Variants in VPS13A observed in about 807,000 individuals in gnomAD.
VPS13A encodes intermembrane lipid transfer protein VPS13A.
A neutral mutation model predicts 390.9 loss-of-function variants in VPS13A; 264 were observed. The ratio of observed to expected loss-of-function variants is 0.68; its 90% confidence interval spans 0.61 to 0.75. The LOEUF (loss-of-function observed/expected upper bound fraction) is 0.75. VPS13A is among the 30% of genes least tolerant of loss of function. The pLI, the probability that VPS13A is intolerant of heterozygous loss-of-function variation, is 0.00. For synonymous variants in VPS13A, 1,231 were observed against 1,227.1 expected (o/e 1.00, Z -0.07); for missense variants, 3,409 against 3,733.9 (o/e 0.91, Z 2.27).
intron 17 of VPS13A, among the ~76,000 whole-genome samples, chr9:77,233,762 G>A (rs927781962): frequency 1.3e-5 from 2 of 151,946 alleles, no homozygotes; most frequent in African/African-American, 2.4e-5. Flanking sequence ...GAAGATGCTT[G>A]GTGTATTATT....
At chr9:77,376,875 C>T (rs1833107505) in intron 67 of VPS13A, among the ~76,000 whole-genome samples, 1 of 152,132 alleles carries the variant, frequency 6.6e-6, no homozygotes, top group African/African-American at 2.4e-5. Flanking sequence ...CTTTCAGGCA[C>T]ACCAACTCTT....
rs149111356 is a variant in VPS13A at position 77,270,667 on chromosome 9, G to A, written c.2428-2613G>A. On this transcript the variant is annotated intron_variant, in intron 23 of 71. Coordinates refer to ENST00000360280, the MANE Select transcript of VPS13A (RefSeq NM_033305.3). ...GATTGTGCCACTACACTCCAGCCTG[G>A]GTGACAGAAGGAGAATCTGTCTCAA... Among the ~76,000 whole-genome samples the A allele has an allele frequency of 3.4e-3, 522 of 152,180 alleles. 3 individuals carry two copies. The highest frequency in any genetic ancestry group is 6.8e-3 in the Middle Eastern group (2 of 294).
chr9:77,397,661 G>T (rs981662650), intron 68 of VPS13A, among the ~76,000 whole-genome samples: 2 of 152,048 alleles, frequency 1.3e-5, no homozygotes, highest in Non-Finnish European at 2.9e-5. Flanking sequence ...CACTTTCTTT[G>T]TGTTTCCAAA....
chr9:77,224,683 T>C (rs958924162), intron 13 of VPS13A, among the ~76,000 whole-genome samples: 2 of 152,248 alleles, frequency 1.3e-5, no homozygotes, highest in African/African-American at 4.8e-5. Flanking sequence ...AGATGAAATA[T>C]ACTCCTGGTG....
intron 68 of VPS13A, among the ~76,000 whole-genome samples, chr9:77,390,713 C>T (rs868797265): frequency 7.2e-6 from 1 of 139,354 alleles, no homozygotes; most frequent in Non-Finnish European, 1.5e-5. Flanking sequence ...AGGTCTCACT[C>T]TCTCGCCCAA....
intron 1 of VPS13A, among the ~76,000 whole-genome samples, chr9:77,195,702 G>A (rs906436154): frequency 3.3e-5 from 5 of 151,796 alleles, no homozygotes; most frequent in Admixed American, 1.3e-4. Context: ...GTGCCACTGC[G>A]CTCCAGCCTG....
intron 63 of VPS13A, 26 bp from the exon 64 acceptor site, chr9:77,370,231 C>T (rs780413943): frequency 1.2e-6 from 2 of 1,611,896 alleles, no homozygotes; most frequent in Admixed American, 1.7e-5. Context: ...CTCACTCACT[C>T]ATTTATTTAC....
At chr9:77,389,500 G>T (rs574329622) in intron 68 of VPS13A, among the ~76,000 whole-genome samples, 2 of 151,942 alleles carry the variant, frequency 1.3e-5, no homozygotes, top group Admixed American at 6.6e-5. Context: ...TAGAGACAGG[G>T]TCTTGCTATG....
chr9:77,251,207 G>A (rs1044038747), intron 21 of VPS13A, among the ~76,000 whole-genome samples: 1 of 152,138 alleles, frequency 6.6e-6, no homozygotes, highest in Non-Finnish European at 1.5e-5. Flanking sequence ...GCAGAAGTAC[G>A]TTATTTTCAG....
At chr9:77,409,485 A>C (rs1180006316) in intron 71 of VPS13A, among the ~76,000 whole-genome samples, 3 of 152,216 alleles carry the variant, frequency 2.0e-5, no homozygotes, top group African/African-American at 7.2e-5. Context: ...AAGGCTTCAG[A>C]TGATCAAACT....
At chr9:77,372,370 A>T (rs1041345826) in intron 67 of VPS13A, among the ~76,000 whole-genome samples, 3 of 152,212 alleles carry the variant, frequency 2.0e-5, no homozygotes, top group African/African-American at 4.8e-5. Flanking sequence ...GGTATCTCAT[A>T]GTGGTTTTGA....
intron 71 of VPS13A, among the ~76,000 whole-genome samples, chr9:77,411,013 T>A (rs1834892980): frequency 6.6e-6 from 1 of 152,270 alleles, no homozygotes; most frequent in Middle Eastern, 3.4e-3. Flanking sequence ...CTGCACTTAT[T>A]CCAAAATTGA....
intron 50 of VPS13A, among the ~76,000 whole-genome samples, chr9:77,341,231 G>T (rs1176188456): frequency 6.6e-6 from 1 of 152,058 alleles, no homozygotes; most frequent in Non-Finnish European, 1.5e-5. Context: ...GAGGGACAAT[G>T]ATCGGGATAT....
At chr9:77,368,295 G>A (rs1832549723) in intron 62 of VPS13A, among the ~76,000 whole-genome samples, 159 bp downstream of exon 62, 1 of 152,112 alleles carries the variant, frequency 6.6e-6, no homozygotes, top group South Asian at 2.1e-4. Context: ...AAGAAATTAA[G>A]CTCAATCACT....
intron 22 of VPS13A, among the ~76,000 whole-genome samples, chr9:77,257,965 A>G (rs954262960): frequency 3.0e-4 from 46 of 152,236 alleles, no homozygotes; most frequent in Non-Finnish European, 4.6e-4. Context: ...GTTATAAACC[A>G]AAATTCTAAT....
chr9:77,250,348 AT>A (rs1356763517), intron 21 of VPS13A, 119 bp downstream of exon 21: 42 of 1,231,448 alleles, frequency 3.4e-5, no homozygotes, highest in Admixed American at 5.5e-5. Flanking sequence ...TGAATTAGAA[AT>A]GATAGTAAAT....
chr9:77,225,860 T>C, intron 13 of VPS13A, 66 bp from the exon 14 acceptor site: 1 of 1,247,908 alleles, frequency 8.0e-7, no homozygotes. Context: ...TGATAGATTA[T>C]GTGCTTAAGT....
In VPS13A at chr9:77,226,515, A is replaced by C; in HGVS notation, c.1274A>C (p.Glu425Ala). Residue 425 changes from glutamate to alanine, a missense_variant, in exon 15 of 72, where the codon GAG (glutamate) becomes GCG (alanine). Coordinates refer to ENST00000360280, the MANE Select transcript of VPS13A (RefSeq NM_033305.3). ...TACAAAGAAGGAGTAAAAGATCCAG[A>C]GGATAATAAAGGGTGGTTTAGCTGG... is the stretch of plus-strand genomic sequence containing the variant. Reference protein sequence around the residue: ...KIYKEGVKDPEDNKGWFSWLW... With the variant: ...KIYKEGVKDPADNKGWFSWLW... 6.2e-7 allele frequency: 1 copy of C among 1,612,908 alleles called. No individual in the cohort carries two copies. Among genetic ancestry groups the C allele is most frequent in the Non-Finnish European group, 8.5e-7 (1 of 1,179,172 alleles).
At chr9:77,363,411 T>A (rs549347660) in intron 59 of VPS13A, among the ~76,000 whole-genome samples, 51 of 145,594 alleles carry the variant, frequency 3.5e-4, no homozygotes, top group Middle Eastern at 3.4e-3. Flanking sequence ...TTTATTTTTT[T>A]TTTTTTTTGA....
Sources: allele counts gnomAD v4.1 joint callset (sites outside exome capture counted in the v4.1 genomes callset), GRCh38; gene constraint gnomAD v4.1.1; transcripts MANE v1.5; gene names NCBI Gene and HGNC (gene_info 2026-07-23, HGNC 2026-07-21).